Variants in JAK1 observed in about 807,000 individuals in gnomAD.
The protein encoded by JAK1 is tyrosine-protein kinase JAK1.
In JAK1, 16 loss-of-function variants were observed where a neutral mutation model predicts 136.6. The observed-to-expected ratio is 0.12, with a 90% CI of 0.08 to 0.18. The LOEUF (loss-of-function observed/expected upper bound fraction) is 0.18, where lower values mean the gene tolerates loss of function less well. JAK1 is among the 10% of genes least tolerant of loss of function. The pLI is 1.00. For missense variants in JAK1, 859 were observed against 1,450.1 expected, an observed-to-expected ratio of 0.59 and a Z score of 6.62; for synonymous variants, 492 against 519.5, an observed-to-expected ratio of 0.95 and a Z score of 0.72.
intron 2 of JAK1, among the ~76,000 whole-genome samples, chr1:64,885,358 CA>C (rs1644835628): frequency 6.6e-6 from 1 of 152,122 alleles, no homozygotes; most frequent in African/African-American, 2.4e-5. Context: ...ATAGACGTGA[CA>C]GGGGAAGAAT....
At chr1:64,980,283 A>C (rs1646532337) in intron 2 of JAK1, among the ~76,000 whole-genome samples, 1 of 151,064 alleles carries the variant, frequency 6.6e-6, no homozygotes. Context: ...GGACACTTCC[A>C]CCTCCTCATT....
chr1:65,023,723 T>C (rs946840725), intron 2 of JAK1, among the ~76,000 whole-genome samples: 6 of 152,074 alleles, frequency 3.9e-5, no homozygotes, highest in African/African-American at 1.4e-4. Flanking sequence ...GACTTCATGA[T>C]CCACACACCT....
intron 2 of JAK1, among the ~76,000 whole-genome samples, chr1:65,024,359 G>A (rs1021999618): frequency 6.6e-6 from 1 of 152,116 alleles, no homozygotes; most frequent in Non-Finnish European, 1.5e-5. Flanking sequence ...GATTAATGAC[G>A]TTGAACATCT....
intron 2 of JAK1, among the ~76,000 whole-genome samples, chr1:65,038,749 A>T (rs1416570971): frequency 2.0e-5 from 3 of 150,864 alleles, no homozygotes; most frequent in African/African-American, 4.9e-5. Flanking sequence ...AGCAATTCTC[A>T]TGCCTCAGCC....
In JAK1 at chr1:64,833,530, CTG is replaced by C; in HGVS notation, c.*1030_*1031del. The C allele has an allele frequency of 8.6e-6, 2 of 233,026 alleles. No homozygotes were observed. The highest frequency in any genetic ancestry group is 1.7e-5 in the Non-Finnish European group (2 of 117,868). The allele number at this position is 233,026 out of a possible 1,614,324, so 14.4% of individuals were successfully genotyped here. A position where few individuals can be genotyped will look rare whatever the true frequency, so the allele number is the denominator to read the frequency against. On this transcript the variant is annotated 3_prime_UTR_variant, in exon 25 of 25. Transcript: ENST00000342505. The stretch of plus-strand genomic sequence containing the variant: ...CAGCTACCTCCAAGCAAACTGAAAA[CTG>C]TCTAGTGGATCCTGAAGTCCATAGT...
At chr1:65,031,231 G>A (rs1049184223) in intron 2 of JAK1, among the ~76,000 whole-genome samples, 2 of 150,588 alleles carry the variant, frequency 1.3e-5, no homozygotes, top group Middle Eastern at 7.0e-3. Flanking sequence ...CTTAACCAGA[G>A]ATCAAAGTAC....
At chr1:64,876,715 C>A (rs1386184316) in intron 4 of JAK1, among the ~76,000 whole-genome samples, 1 of 151,302 alleles carries the variant, frequency 6.6e-6, no homozygotes, top group Non-Finnish European at 1.5e-5. Flanking sequence ...TATAGCATGC[C>A]AATGGAAAAA....
At chr1:64,964,365 A>T (rs1450074373) in intron 1 of JAK1, among the ~76,000 whole-genome samples, 3 of 152,228 alleles carry the variant, frequency 2.0e-5, no homozygotes, top group Admixed American at 6.5e-5. Context: ...ATGCAGTTAT[A>T]CCTTAGTGTT....
intron 1 of JAK1, among the ~76,000 whole-genome samples, chr1:64,948,158 G>A (rs1209074804): frequency 3.3e-5 from 5 of 152,096 alleles, no homozygotes; most frequent in Non-Finnish European, 7.4e-5. Context: ...CCTTGGTTTG[G>A]TTCCCACTAA....
intron 2 of JAK1, among the ~76,000 whole-genome samples, chr1:65,022,011 A>T (rs1646942346): frequency 6.6e-6 from 1 of 152,194 alleles, no homozygotes; most frequent in African/African-American, 2.4e-5. Context: ...GACTGTGATA[A>T]AGGTGACTCA....
intron 2 of JAK1, chr1:64,985,239 T>G: frequency 6.2e-7 from 1 of 1,601,522 alleles, no homozygotes; most frequent in South Asian, 1.1e-5. Flanking sequence ...GAACACAGTA[T>G]TGATTACAGA....
intron 1 of JAK1, among the ~76,000 whole-genome samples, chr1:65,045,291 T>C (rs886497162): frequency 4.0e-5 from 6 of 151,798 alleles, no homozygotes; most frequent in Non-Finnish European, 8.8e-5. Flanking sequence ...AATGAATGAA[T>C]GAATGCTTAT....
At chr1:65,031,092 T>C (rs1647019495) in intron 2 of JAK1, among the ~76,000 whole-genome samples, 1 of 139,664 alleles carries the variant, frequency 7.2e-6, no homozygotes, top group African/African-American at 2.7e-5. Flanking sequence ...AGGGTGAGAC[T>C]GAAGTGAGCC....
chr1:64,898,357 A>ACAG (rs1475621070), intron 1 of JAK1, among the ~76,000 whole-genome samples: 1 of 152,234 alleles, frequency 6.6e-6, no homozygotes, highest in Non-Finnish European at 1.5e-5. Context: ...AAAAGGGAAT[A>ACAG]CAGAGTCAGA....
chr1:64,939,553 T>C (rs1268433302), intron 1 of JAK1, among the ~76,000 whole-genome samples: 3 of 152,240 alleles, frequency 2.0e-5, no homozygotes, highest in Admixed American at 6.5e-5. Flanking sequence ...TATCCAAATA[T>C]TGGTTTCTTC....
At chr1:64,840,869 A>T (rs1486792223) in intron 19 of JAK1, among the ~76,000 whole-genome samples, 1 of 152,004 alleles carries the variant, frequency 6.6e-6, no homozygotes, top group Non-Finnish European at 1.5e-5. Context: ...TACAGGATAT[A>T]TATGCCCGGG....
chr1:64,909,748 T>A (rs1557683190), intron 1 of JAK1, among the ~76,000 whole-genome samples: 1 of 151,844 alleles, frequency 6.6e-6, no homozygotes, highest in Non-Finnish European at 1.5e-5. Context: ...CACCTGAGCC[T>A]GGGAGGTCGA....
intron 2 of JAK1, among the ~76,000 whole-genome samples, chr1:65,017,457 G>C (rs1646900377): frequency 6.6e-6 from 1 of 152,040 alleles, no homozygotes; most frequent in African/African-American, 2.4e-5. Context: ...AACAGAGAGA[G>C]ACTCTGTCTC....
At chr1:64,852,163 T>C (rs1655641981) in intron 11 of JAK1, among the ~76,000 whole-genome samples, 1 of 152,260 alleles carries the variant, frequency 6.6e-6, no homozygotes, top group South Asian at 2.1e-4. Context: ...CTATGAGCAT[T>C]ATACACATTA....
Sources: allele counts gnomAD v4.1 joint callset (sites outside exome capture counted in the v4.1 genomes callset), GRCh38; gene constraint gnomAD v4.1.1; transcripts MANE v1.5; gene names NCBI Gene and HGNC (gene_info 2026-07-23, HGNC 2026-07-21).